The following PALM variants were observed in gnomAD, a reference collection of about 807,000 sequenced individuals.
The protein encoded by PALM is paralemmin-1.
PALM carries 18 observed loss-of-function variants against 30.7 expected under a neutral mutation model. That is an observed-to-expected ratio of 0.59 (90% CI 0.41 to 0.87). PALM has a LOEUF of 0.87. Ranked by LOEUF, PALM falls within the 40% of genes least tolerant of loss-of-function variation. The probability of loss-of-function intolerance (pLI) is 0.00; values close to 1 mark genes in which losing one functional copy is unlikely to be tolerated. For missense variants in PALM, 529 were observed against 555.4 expected (o/e 0.95, Z 0.48); for synonymous variants, 286 against 242.8 (o/e 1.18, Z -1.66).
At chr19:731,752 C>G (rs2032886900) in intron 5 of PALM, among the ~76,000 whole-genome samples, 1 of 152,130 alleles carries the variant, frequency 6.6e-6, no homozygotes, top group Non-Finnish European at 1.5e-5. Context: ...CTCCACCTCC[C>G]AGGTTCAAGC....
intron 4 of PALM, among the ~76,000 whole-genome samples, chr19:730,206 G>A (rs573774233): frequency 7.9e-5 from 12 of 151,702 alleles, no homozygotes; most frequent in African/African-American, 2.7e-4. Flanking sequence ...CCTCCAGGCG[G>A]CTGTGGGCTG....
intron 1 of PALM, among the ~76,000 whole-genome samples, chr19:716,583 G>A (rs1251536322): frequency 6.6e-6 from 1 of 152,154 alleles, no homozygotes; most frequent in Non-Finnish European, 1.5e-5. Flanking sequence ...GAAGGCCGGG[G>A]AGGGACAGAG....
chr19:712,832 C>T (rs752462461), intron 1 of PALM, among the ~76,000 whole-genome samples: 12 of 152,146 alleles, frequency 7.9e-5, no homozygotes, highest in African/African-American at 1.4e-4. Flanking sequence ...CCTGCCACCA[C>T]GCCCAGCTAA....
chr19:744,755 A>T (rs1407063006), intron 8 of PALM, among the ~76,000 whole-genome samples: 1 of 146,402 alleles, frequency 6.8e-6, no homozygotes, highest in Non-Finnish European at 1.5e-5. Context: ...TCAGCCGGGC[A>T]TGGTGGCGGG....
chr19:734,098 C>A, intron 5 of PALM, 75 bp from the exon 6 acceptor site: 2 of 1,441,194 alleles, frequency 1.4e-6, no homozygotes, highest in Non-Finnish European at 9.8e-7. Context: ...CCTCCCCAGG[C>A]TCCTGACCCC....
At chr19:719,256 G>C in intron 1 of PALM, 3 of 985,450 alleles carry the variant, frequency 3.0e-6, no homozygotes, top group Non-Finnish European at 3.6e-6. Context: ...GACCTTGGCC[G>C]TTGCGTAACC....
At chr19:740,101 G>A (rs1274023044) in intron 7 of PALM, among the ~76,000 whole-genome samples, 1 of 152,240 alleles carries the variant, frequency 6.6e-6, no homozygotes. Flanking sequence ...CATCTGGGCG[G>A]ACAGCAGGAT....
At chr19:740,911 G>T (rs12980443) in intron 8 of PALM, among the ~76,000 whole-genome samples, 1 of 150,642 alleles carries the variant, frequency 6.6e-6, no homozygotes, top group Admixed American at 6.7e-5. Context: ...GAGGAGGATC[G>T]CTTGAGCCCA....
rs1056298836 is a variant in PALM, at chr19:709,921, GT to G, written c.5+771del. 3.9e-5 allele frequency among the ~76,000 whole-genome samples: 6 copies of G among 152,006 alleles called. No homozygotes were observed. The highest frequency in any genetic ancestry group is 7.4e-5 in the Non-Finnish European group (5 of 67,950). ...CTGCGCCTGTGTGTGTGGGGGGGGG[GT>G]GGCCAGTGGAGGCACCGAGCGAGGG... On this transcript the variant is annotated intron_variant, in intron 1 of 8. Transcript: ENST00000338448. This position sits in a 1 kb window ranked among gnomAD's most constrained non-coding sequence, Gnocchi z 4.3.
chr19:724,179 G>A (rs548453287), intron 1 of PALM, among the ~76,000 whole-genome samples: 10 of 152,196 alleles, frequency 6.6e-5, no homozygotes, highest in East Asian at 3.9e-4. Context: ...GCGAGTGAGC[G>A]TGTGGTGGGT....
chr19:738,778 T>TG (rs1399388233), intron 7 of PALM, among the ~76,000 whole-genome samples: 1 of 151,424 alleles, frequency 6.6e-6, no homozygotes, highest in Non-Finnish European at 1.5e-5. Flanking sequence ...CGAGGTTGGG[T>TG]GGGAGGAGGG....
At chr19:732,956 A>C (rs2032918339) in intron 5 of PALM, among the ~76,000 whole-genome samples, 1 of 151,062 alleles carries the variant, frequency 6.6e-6, no homozygotes, top group South Asian at 2.1e-4. Context: ...TTTTTGAGAC[A>C]GAGTTTCACT....
Position 742,385 on chromosome 19 carries a change from A to C in PALM, c.634+1902A>C, listed in dbSNP as rs2033219214. On this transcript the variant is annotated intron_variant, in intron 8 of 8. Coordinates refer to ENST00000338448, the MANE Select transcript of PALM (RefSeq NM_002579.3). The surrounding 1 kb of genome is among the most constrained non-coding windows in gnomAD (Gnocchi z 5.5). ...TTTGGGAGGCCGAGGCGGGTGGATC[A>C]CCTGAGGTCAGGAGTTCGAGACCAG... 6.6e-6 allele frequency among the ~76,000 whole-genome samples: 1 copy of C among 152,118 alleles called. No homozygotes were observed. The highest frequency in any genetic ancestry group is 1.5e-5 in the Non-Finnish European group (1 of 68,028).
chr19:728,222 G>T (rs1212259237), intron 4 of PALM, among the ~76,000 whole-genome samples: 13 of 152,326 alleles, frequency 8.5e-5, no homozygotes, highest in Non-Finnish European at 1.5e-5. Context: ...ATCCCTGTGG[G>T]GGCTGGGACC....
chr19:746,900 A>C lies in PALM; in HGVS notation c.*86A>C, dbSNP rs2033365871. On this transcript the variant is annotated 3_prime_UTR_variant, in exon 9 of 9. Coordinates refer to ENST00000338448, the MANE Select transcript of PALM (RefSeq NM_002579.3). The surrounding 1 kb of genome is among the most constrained non-coding windows in gnomAD (Gnocchi z 7.1). ...CCCGGCGCCTGCCCACCCTCCACCC[A>C]CAGCCTCACGGGTCCAGGACTTGGC... is the stretch of plus-strand genomic sequence containing the variant. 2.9e-6 allele frequency: 2 copies of C among 685,144 alleles called. No individual in the cohort carries two copies. The highest frequency in any genetic ancestry group is 2.3e-6 in the Non-Finnish European group (1 of 439,382). 42.4% of individuals were successfully genotyped at this position (685,144 alleles called of 1,614,324 possible).
intron 8 of PALM, among the ~76,000 whole-genome samples, chr19:744,709 C>T (rs1017400414): frequency 2.0e-5 from 3 of 151,784 alleles, no homozygotes; most frequent in African/African-American, 2.4e-5. Context: ...GCCTGGCCAA[C>T]GTGGTGAAAC....
chr19:710,388 G>A (rs2032032413), intron 1 of PALM, among the ~76,000 whole-genome samples: 1 of 152,180 alleles, frequency 6.6e-6, no homozygotes, highest in Non-Finnish European at 1.5e-5. Flanking sequence ...AGGGGAGCCA[G>A]GGCCCAGACT....
intron 2 of PALM, 24 bp from the exon 3 acceptor site, chr19:726,984 G>GTGCCCC: frequency 6.8e-6 from 8 of 1,183,044 alleles, no homozygotes; most frequent in South Asian, 1.3e-5. Flanking sequence ...GCCCATCCCT[G>GTGCCCC]ACCCCACCCG....
intron 4 of PALM, among the ~76,000 whole-genome samples, chr19:729,006 AAAAT>A (rs1259044577): frequency 2.0e-5 from 3 of 151,718 alleles, no homozygotes; most frequent in African/African-American, 2.4e-5. Context: ...TGGGTCTCAA[AAAAT>A]AAATAAATAA....
Sources: gnomAD v4.1 joint callset for allele counts (sites outside exome capture counted in the v4.1 genomes callset) on GRCh38, gnomAD v4.1.1 for gene constraint, Gnocchi (gnomAD v3.1) non-coding constraint, MANE v1.5 for transcripts, NCBI Gene and HGNC (gene_info 2026-07-23, HGNC 2026-07-21) for gene names.